Variants in CCND3 observed in about 807,000 individuals in gnomAD.
CCND3 encodes cyclin D3, also known as G1/S-specific cyclin-D3.
In CCND3, 9 loss-of-function variants were observed where a neutral mutation model predicts 28.7. That is an observed-to-expected ratio of 0.31 (90% CI 0.19 to 0.55). The LOEUF is 0.55. Among genes scored for constraint, CCND3 ranks in the 20% least tolerant of loss-of-function variants. The pLI, the probability that CCND3 is intolerant of heterozygous loss-of-function variation, is 0.93. For synonymous variants in CCND3, 164 were observed against 163.9 expected (o/e 1.00, Z 0.00); for missense variants, 315 against 385.8 (o/e 0.82, Z 1.54).
intron 1 of CCND3, among the ~76,000 whole-genome samples, chr6:42,044,776 T>G (rs901519280): frequency 5.4e-5 from 8 of 147,048 alleles, no homozygotes; most frequent in African/African-American, 2.0e-4. Flanking sequence ...TTCTTTTCTT[T>G]CTTTCCTTTT....
chr6:42,028,686 C>T (rs1187627339), intron 1 of CCND3, among the ~76,000 whole-genome samples: 1 of 152,210 alleles, frequency 6.6e-6, no homozygotes, highest in South Asian at 2.1e-4. Flanking sequence ...CCAGCTCTAG[C>T]ACTTAGGAGC....
Position 41,937,414 on chromosome 6 carries a change from G to C in CCND3, c.415-20C>G, listed in dbSNP as rs1278794024. 3.1e-6 allele frequency: 5 copies of C among 1,613,622 alleles called. No individual in the cohort carries two copies. In the South Asian group the frequency reaches 5.5e-5, roughly 18 times the overall value. ...CCAGTCCTGAAAAAGCGGGGAAAGG[G>C]TGGGGTCAGTGGCTGGAGAAGTGAA... is the stretch of plus-strand genomic sequence containing the variant. On this transcript the variant is annotated intron_variant, in intron 2 of 4. Coordinates refer to ENST00000372991, the MANE Select transcript of CCND3 (RefSeq NM_001760.5).
At chr6:42,020,454 G>A (rs997258899) in intron 1 of CCND3, among the ~76,000 whole-genome samples, 1 of 150,826 alleles carries the variant, frequency 6.6e-6, no homozygotes, top group Admixed American at 6.6e-5. Context: ...GAAGGACTCT[G>A]TATGGTTCCA....
intron 1 of CCND3, among the ~76,000 whole-genome samples, chr6:41,976,073 C>T (rs987849286): frequency 3.3e-5 from 5 of 151,996 alleles, no homozygotes; most frequent in African/African-American, 9.7e-5. Flanking sequence ...TGGGTCTGGC[C>T]GGGCGCTGTG....
Position 41,936,379 on chromosome 6 carries a change from C to G in CCND3, c.711+180G>C. On this transcript the variant is annotated intron_variant, in intron 4 of 4. Transcript: ENST00000372991. This position sits in a 1 kb window ranked among gnomAD's most constrained non-coding sequence, Gnocchi z 4.4. Reference sequence around the variant, plus strand: ...ACCCCTAGGGCCAGTGCCCTTCACCCCACCCAAGATACTTGCTCTTCCCCA... The same window carrying G: ...ACCCCTAGGGCCAGTGCCCTTCACCGCACCCAAGATACTTGCTCTTCCCCA... The G allele has an allele frequency of 1.3e-6, 1 of 750,766 alleles. No homozygotes were observed. Among genetic ancestry groups the G allele is most frequent in the East Asian group, 2.7e-5 (1 of 37,426 alleles). The allele number at this position is 750,766 out of a possible 1,614,324, so 46.5% of individuals were successfully genotyped here. A position where few individuals can be genotyped will look rare whatever the true frequency, so the allele number is the denominator to read the frequency against.
At chr6:41,955,583 C>T (rs1017746824) in intron 1 of CCND3, among the ~76,000 whole-genome samples, 1 of 146,866 alleles carries the variant, frequency 6.8e-6, no homozygotes, top group African/African-American at 2.5e-5. Flanking sequence ...TGAAACCCCA[C>T]AGCAAACATC....
chr6:41,991,426 G>T (rs542222758), intron 1 of CCND3, among the ~76,000 whole-genome samples: 1 of 152,258 alleles, frequency 6.6e-6, no homozygotes, highest in African/African-American at 2.4e-5. Flanking sequence ...CCATTGTCTG[G>T]ATGCACCAGT....
intron 1 of CCND3, among the ~76,000 whole-genome samples, chr6:41,983,369 CAAA>C (rs1418315259): frequency 5.0e-5 from 3 of 59,708 alleles, no homozygotes; most frequent in Admixed American, 1.9e-4. Context: ...GACTCTGTCT[CAAA>C]AAAAAAAAAA....
Position 42,048,570 on chromosome 6 carries a change from C to G in CCND3, c.-115G>C. On this transcript the variant is annotated 5_prime_UTR_variant, in exon 1 of 5. Transcript: ENST00000372988. The surrounding 1 kb of genome is among the most constrained non-coding windows in gnomAD (Gnocchi z 4.7). Reference sequence around the variant, plus strand: ...GCGCTCTGTCCCGCCGCCTCCGGAGCCTGCCTTTGGGGAGTGGGGGTGGTC... The same window carrying G: ...GCGCTCTGTCCCGCCGCCTCCGGAGGCTGCCTTTGGGGAGTGGGGGTGGTC... The G allele has an allele frequency of 1.9e-6, 1 of 514,454 alleles. No homozygotes were observed. The highest frequency in any genetic ancestry group is 3.9e-6 in the Non-Finnish European group (1 of 258,222). The allele number at this position is 514,454 out of a possible 1,614,324, so 31.9% of individuals were successfully genotyped here.
chr6:42,034,468 CTTTTTTTTTTTTTT>C (rs34822771), intron 1 of CCND3, among the ~76,000 whole-genome samples: 1 of 50,978 alleles, frequency 2.0e-5, no homozygotes, highest in Admixed American at 2.8e-4. Context: ...CCCTGTCACT[CTTTTTTTTTTTTTT>C]TTTTTTTTTT....
At chr6:42,003,525 C>CAAAAAAAAAAAAAAAAAAAAAAAAA (rs61494473) in intron 1 of CCND3, among the ~76,000 whole-genome samples, 1 of 73,520 alleles carries the variant, frequency 1.4e-5, no homozygotes, top group African/African-American at 8.1e-5. Context: ...GACTCTGTCT[C>CAAAAAAAAAAAAAAAAAAAAAAAAA]AAAAAAAAAA....
At chr6:42,017,343 T>C (rs1262142773) in intron 1 of CCND3, among the ~76,000 whole-genome samples, 1 of 152,202 alleles carries the variant, frequency 6.6e-6, no homozygotes, top group East Asian at 1.9e-4. Context: ...CTGTCATCTC[T>C]AAAGGAAAAG....
intron 3 of CCND3, 77 bp downstream of exon 3, chr6:41,937,158 A>G (rs763728183): frequency 6.7e-7 from 1 of 1,497,906 alleles, no homozygotes; most frequent in Non-Finnish European, 9.3e-7. Context: ...AGTATAAACC[A>G]GAATCTTCAG....
chr6:42,031,073 C>T (rs1397365323), intron 1 of CCND3, among the ~76,000 whole-genome samples: 1 of 152,150 alleles, frequency 6.6e-6, no homozygotes, highest in Non-Finnish European at 1.5e-5. Context: ...GGGCTCAATC[C>T]AGACTCCACC....
intron 1 of CCND3, among the ~76,000 whole-genome samples, chr6:42,017,163 T>C (rs1435403693): frequency 6.6e-6 from 1 of 152,192 alleles, no homozygotes; most frequent in Non-Finnish European, 1.5e-5. Context: ...TCTCCACCTC[T>C]GTCCCTCACT....
intron 1 of CCND3, among the ~76,000 whole-genome samples, chr6:42,043,148 C>G (rs1487055159): frequency 6.6e-6 from 1 of 152,246 alleles, no homozygotes; most frequent in Non-Finnish European, 1.5e-5. Flanking sequence ...AATTTCAGCA[C>G]TTTGGGAGGC....
At chr6:42,010,280 G>A (rs1349105632) in intron 1 of CCND3, among the ~76,000 whole-genome samples, 2 of 152,196 alleles carry the variant, frequency 1.3e-5, no homozygotes, top group Non-Finnish European at 1.5e-5. Context: ...GAGGGGGGCA[G>A]TGGAAACCTA....
chr6:41,946,624 A>AAG (rs1776177605), upstream of CCND3, among the ~76,000 whole-genome samples: 1 of 146,056 alleles, frequency 6.8e-6, no homozygotes, highest in African/African-American at 2.6e-5. Context: ...AAAAAAAAAA[A>AAG]GCAGTAAACC....
At chr6:41,986,126 C>T (rs1218701766) in intron 1 of CCND3, among the ~76,000 whole-genome samples, 4 of 152,080 alleles carry the variant, frequency 2.6e-5, no homozygotes, top group African/African-American at 7.2e-5. Flanking sequence ...TATTCTGTTC[C>T]GTTGGTCTAT....
Sources: allele counts gnomAD v4.1 joint callset (sites outside exome capture counted in the v4.1 genomes callset), GRCh38; gene constraint gnomAD v4.1.1; non-coding constraint Gnocchi (gnomAD v3.1); transcripts MANE v1.5; gene names NCBI Gene and HGNC (gene_info 2026-07-23, HGNC 2026-07-21).